Variants in CBR3 observed in about 807,000 individuals in gnomAD.
The protein encoded by CBR3 is carbonyl reductase 3, also known as carbonyl reductase [NADPH] 3.
A neutral mutation model predicts 11.6 loss-of-function variants in CBR3; 14 were observed. The ratio of observed to expected loss-of-function variants is 1.20; its 90% CI spans 0.79 to 1.88. CBR3 has a LOEUF of 1.88. Ranked by LOEUF, CBR3 falls within the 40% of genes most tolerant of loss-of-function variation. The pLI, the probability that CBR3 is intolerant of heterozygous loss-of-function variation, is 0.00. For synonymous variants in CBR3, 125 were observed against 145.6 expected, an observed-to-expected ratio of 0.86 and a Z score of 1.02; for missense variants, 308 against 357.3, an observed-to-expected ratio of 0.86 and a Z score of 1.11.
intron 2 of CBR3, among the ~76,000 whole-genome samples, 166 bp from the exon 3 acceptor site, chr21:36,145,910 G>A (rs1440559117): frequency 2.1e-5 from 3 of 145,566 alleles, no homozygotes; most frequent in African/African-American, 7.6e-5. Context: ...GCAGTGGGCC[G>A]AGATGGCACC....
At chr21:36,136,757 G>A (rs1462508995) in intron 1 of CBR3, among the ~76,000 whole-genome samples, 1 of 152,164 alleles carries the variant, frequency 6.6e-6, no homozygotes, top group South Asian at 2.1e-4. Context: ...GCTGGGCGCG[G>A]TGGCTCATGC....
Position 36,135,176 on chromosome 21 carries a change from G to A in CBR3, c.-17G>A, listed in dbSNP as rs1410679295. 6 of 1,433,866 alleles carry A rather than the reference G, an allele frequency of 4.2e-6. No homozygotes were observed. Among genetic ancestry groups the A allele is most frequent in the Non-Finnish European group, 4.6e-6 (5 of 1,096,634 alleles). The allele number at this position is 1,433,866 out of a possible 1,614,324, so 88.8% of individuals were successfully genotyped here. ...GGTCCGCCCTCCACGCAGGTGCCCC[G>A]CGCTCCCCGCTCAGCCATGTCGTCC... On this transcript the variant is annotated 5_prime_UTR_variant, in exon 1 of 3. Transcript: ENST00000290354.
chr21:36,137,430 C>G (rs1357200548), intron 1 of CBR3: 1 of 163,598 alleles, frequency 6.1e-6, no homozygotes. Context: ...GAGCCGAGAT[C>G]GCGCCACTGC....
chr21:36,142,441 A>AAAAAAAAAACAAAAC (rs926876949), intron 2 of CBR3, among the ~76,000 whole-genome samples: 3 of 149,746 alleles, frequency 2.0e-5, no homozygotes, highest in East Asian at 4.0e-4. Flanking sequence ...CAAAAAAAAA[A>AAAAAAAAAACAAAAC]AAAAAAACGC....
At position 36,145,907 on chromosome 21, in the gene CBR3, G is replaced by A. The variant is rs566417652; in HGVS notation, c.398-169G>A. On this transcript the variant is annotated intron_variant, in intron 2 of 2. Coordinates refer to ENST00000290354, the MANE Select transcript of CBR3 (RefSeq NM_001236.4). The stretch of plus-strand genomic sequence containing the variant: ...ACCTGGGAGGTGGAGTTTGCAGTGG[G>A]CCGAGATGGCACCAGTGCACTCTAG... 8.8e-5 allele frequency among the ~76,000 whole-genome samples: 13 copies of A among 148,278 alleles called. No homozygotes were observed. The South Asian group carries it at 2.5e-3, about 29-fold the overall frequency.
intron 2 of CBR3, 101 bp from the exon 3 acceptor site, chr21:36,145,975 A>AC: frequency 1.2e-6 from 1 of 816,102 alleles, no homozygotes; most frequent in Non-Finnish European, 1.9e-6. Context: ...AAAAAAAAAA[A>AC]AAAAAACCTG....
rs146935243 is a variant in CBR3 at position 36,146,225 on chromosome 21, G to A, written c.547G>A (p.Val183Met). 174 of 1,614,164 alleles carry A rather than the reference G, an allele frequency of 1.1e-4. No homozygotes were observed. In the African/African-American group the frequency reaches 1.7e-3, roughly 16 times the overall value. The change falls in exon 3 of 3, where the codon GTG (valine) becomes ATG (methionine). Residue 183 changes from valine to methionine, a missense_variant. Coordinates refer to ENST00000290354, the MANE Select transcript of CBR3 (RefSeq NM_001236.4). The part of the protein sequence containing the change: ...KKFVEDTKNE[V>M]HEREGWPNSP... ...GTTTGTGGAGGACACAAAAAATGAG[G>A]TGCATGAGAGGGAAGGCTGGCCCAA...
At position 36,146,081 on chromosome 21, in the gene CBR3, G is replaced by A. The variant is rs139015776; in HGVS notation, c.403G>A (p.Val135Met). 6.2e-6 allele frequency: 10 copies of A among 1,606,674 alleles called. No individual in the cohort carries two copies. In the African/African-American group the frequency reaches 1.2e-4, roughly 19 times the overall value. ...LLPIMKPHGR[V>M]VNISSLQCLR... ...TATTTATCATTCTGTTTCAGGGAGA[G>A]TGGTGAATATCAGTAGTTTGCAGTG... Residue 135 changes from valine (V) to methionine (M), a missense_variant, in exon 3 of 3, where the codon GTG becomes ATG. Physicochemically the swap from Val to Met is conservative, Grantham distance 21. Coordinates refer to ENST00000290354, the MANE Select transcript of CBR3 (RefSeq NM_001236.4).
At chr21:36,135,594 C>T in intron 1 of CBR3, 113 bp downstream of exon 1, 1 of 1,006,692 alleles carries the variant, frequency 9.9e-7, no homozygotes, top group Non-Finnish European at 1.4e-6. Flanking sequence ...GGCGCCGACC[C>T]CTAGGGATGC....
intron 2 of CBR3, among the ~76,000 whole-genome samples, chr21:36,142,430 TC>T (rs2065717674): frequency 4.5e-4 from 1 of 2,204 alleles, no homozygotes; most frequent in Non-Finnish European, 1.1e-3. Flanking sequence ...AGACTCCATC[TC>T]AAAAAAAAAA....
In CBR3 at chr21:36,137,895, C is replaced by T; in HGVS notation, c.360C>T (p.Asn120=). ...TLKTNFFATR[N]MCNELLPIMK... ...AGACAAATTTTTTTGCCACTAGAAA[C>T]ATGTGCAACGAGTTACTGCCGATAA... is the stretch of plus-strand genomic sequence containing the variant. The change falls in exon 2 of 3, where the codon AAC becomes AAT. Residue 120 remains asparagine, a synonymous_variant. Coordinates refer to ENST00000290354, the MANE Select transcript of CBR3 (RefSeq NM_001236.4). 6.2e-7 allele frequency: 1 copy of T among 1,610,642 alleles called. No individual in the cohort carries two copies. Among genetic ancestry groups the T allele is most frequent in the Non-Finnish European group, 8.5e-7 (1 of 1,177,062 alleles).
In CBR3 at chr21:36,135,092, C is replaced by A. The variant is rs1280171093; in HGVS notation, c.-101C>A. On this transcript the variant is annotated 5_prime_UTR_variant, in exon 1 of 3. Coordinates refer to ENST00000290354, the MANE Select transcript of CBR3 (RefSeq NM_001236.4). The stretch of plus-strand genomic sequence containing the variant: ...GCACTGGATCCCAGAACTTAGTCTG[C>A]GCGGCGGCATTGACACTAGCTGGGC... 2 of 1,174,068 alleles carry A rather than the reference C, an allele frequency of 1.7e-6. No homozygotes were observed. The highest frequency in any genetic ancestry group is 2.3e-6 in the Non-Finnish European group (2 of 882,900). 72.7% of individuals were successfully genotyped at this position (1,174,068 alleles called of 1,614,324 possible).
At chr21:36,142,431 C>CAAAA (rs71326645) in intron 2 of CBR3, among the ~76,000 whole-genome samples, 8 of 40,424 alleles carry the variant, frequency 2.0e-4, no homozygotes, top group Middle Eastern at 0.017. Context: ...GACTCCATCT[C>CAAAA]AAAAAAAAAA....
At position 36,146,209 on chromosome 21, in the gene CBR3, G is replaced by A; in HGVS notation, c.531G>A (p.Glu177=). The change falls in exon 3 of 3, where the codon GAG becomes GAA. Residue 177 remains glutamate, a synonymous_variant. Transcript: ENST00000290354. ...TGGATCTCATGAAAAAGTTTGTGGAGGACACAAAAAATGAGGTGCATGAGA... is the reference window on the plus strand; with the variant it reads ...TGGATCTCATGAAAAAGTTTGTGGAAGACACAAAAAATGAGGTGCATGAGA... ...DLVDLMKKFV[E]DTKNEVHERE... is the part of the protein sequence containing the mutation. 6.2e-7 allele frequency: 1 copy of A among 1,614,098 alleles called. No homozygotes were observed. The highest frequency in any genetic ancestry group is 1.3e-5 in the African/African-American group (1 of 75,024).
At chr21:36,141,091 C>T (rs2052434778) in intron 2 of CBR3, among the ~76,000 whole-genome samples, 2 of 151,104 alleles carry the variant, frequency 1.3e-5, no homozygotes, top group Admixed American at 1.3e-4. Flanking sequence ...TATGGAGACC[C>T]CAGCTCTACA....
At chr21:36,140,459 T>C (rs1286637006) in intron 2 of CBR3, among the ~76,000 whole-genome samples, 1 of 152,206 alleles carries the variant, frequency 6.6e-6, no homozygotes, top group Non-Finnish European at 1.5e-5. Flanking sequence ...GTCAGAAAGC[T>C]TTTATCTTTT....
chr21:36,139,880 C>CATT (rs2065694745), intron 2 of CBR3, among the ~76,000 whole-genome samples: 1 of 77,466 alleles, frequency 1.3e-5, no homozygotes. Context: ...GGATGCAAAA[C>CATT]CTTTTTTTTT....
intron 1 of CBR3, among the ~76,000 whole-genome samples, chr21:36,136,756 G>A (rs867016332): frequency 3.3e-5 from 5 of 151,834 alleles, no homozygotes; most frequent in Middle Eastern, 6.8e-3. Context: ...CGCTGGGCGC[G>A]GTGGCTCATG....
intron 2 of CBR3, among the ~76,000 whole-genome samples, chr21:36,139,040 C>T (rs9977612): frequency 0.44 from 67,017 of 151,824 alleles, 15,668 homozygotes; most frequent in Non-Finnish European, 0.52. Context: ...CCACCATGCC[C>T]GAACGAGAAA....
Sources: allele counts gnomAD v4.1 joint callset (sites outside exome capture counted in the v4.1 genomes callset), GRCh38; gene constraint gnomAD v4.1.1; transcripts MANE v1.5; gene names NCBI Gene and HGNC (gene_info 2026-07-23, HGNC 2026-07-21).